CYP2C19: variants seen among roughly 807,000 people sequenced by gnomAD.
The protein encoded by CYP2C19 is cytochrome P450 2C19.
Under a neutral mutation model 40.9 loss-of-function variants are expected in CYP2C19, and 59 were observed. The ratio of observed to expected loss-of-function variants is 1.44; its 90% CI spans 1.17 to 1.79. CYP2C19 has a LOEUF of 1.79. Among genes scored for constraint, CYP2C19 ranks in the 40% most tolerant of loss-of-function variants. The pLI, the probability that CYP2C19 is intolerant of heterozygous loss-of-function variation, is 0.00. For synonymous variants in CYP2C19, 253 were observed against 208.7 expected (o/e 1.21, Z -1.83); for missense variants, 754 against 596.9 (o/e 1.26, Z -2.74).
At position 94,775,434 on chromosome 10, in the gene CYP2C19, T is replaced by A; in HGVS notation, c.376T>A (p.Phe126Ile). The change falls in exon 3 of 9, where the codon TTC (phenylalanine) becomes ATC (isoleucine). Residue 126 changes from phenylalanine to isoleucine, a missense_variant. Phe to Ile is a conservative substitution (Grantham distance 21, BLOSUM62 0). Transcript: ENST00000371321. ...AAAGAGATGGAAGGAGATCCGGCGT[T>A]TCTCCCTCATGACGCTGCGGAATTT... ...NGKRWKEIRR[F>I]SLMTLRNFGM... 2 of 1,614,118 alleles carry A rather than the reference T, an allele frequency of 1.2e-6. No homozygotes were observed. The highest frequency in any genetic ancestry group is 2.2e-5 in the South Asian group (2 of 91,074).
intron 8 of CYP2C19, among the ~76,000 whole-genome samples, chr10:94,851,851 A>G (rs1238776396): frequency 2.0e-5 from 3 of 152,214 alleles, no homozygotes; most frequent in Admixed American, 6.6e-5. Context: ...ATGTTTCAAC[A>G]TATGAAATGG....
intron 6 of CYP2C19, among the ~76,000 whole-genome samples, chr10:94,827,394 A>G (rs1849245716): frequency 6.6e-6 from 1 of 151,334 alleles, no homozygotes. Context: ...GTCTTGGGAG[A>G]GTGTATGTGT....
intron 8 of CYP2C19, among the ~76,000 whole-genome samples, chr10:94,850,822 A>G (rs1379164291): frequency 6.6e-6 from 1 of 152,162 alleles, no homozygotes; most frequent in African/African-American, 2.4e-5. Flanking sequence ...GATCAGGGGG[A>G]CATTAAGAAT....
chr10:94,845,140 C>T (rs1432512879), intron 7 of CYP2C19, among the ~76,000 whole-genome samples: 1 of 152,148 alleles, frequency 6.6e-6, no homozygotes, highest in East Asian at 1.9e-4. Context: ...AGGCTGGATC[C>T]ACTTATCTAG....
chr10:94,775,343 T>C, intron 2 of CYP2C19, 47 bp from the exon 3 acceptor site: 1 of 1,612,672 alleles, frequency 6.2e-7, no homozygotes, highest in Non-Finnish European at 8.5e-7. Flanking sequence ...CAGCTTCCTC[T>C]TTCTTGCCTG....
chr10:94,805,225 G>A (rs1429753692), intron 5 of CYP2C19, among the ~76,000 whole-genome samples: 5 of 151,926 alleles, frequency 3.3e-5, no homozygotes, highest in Non-Finnish European at 5.9e-5. Flanking sequence ...TTATGGTAAG[G>A]GAGTTTTATT....
chr10:94,842,746 T>C, intron 6 of CYP2C19, 91 bp from the exon 7 acceptor site: 1 of 1,354,356 alleles, frequency 7.4e-7, no homozygotes, highest in Non-Finnish European at 1.1e-6. Context: ...GATGTTTGGA[T>C]ACCTTCATCA....
Position 94,852,899 on chromosome 10 carries a change from C to T in CYP2C19, c.1458C>T (p.Cys486=), listed in dbSNP as rs1849676899. ...CTGTCCCGCCCTTCTATCAGCTGTG[C>T]TTCATTCCTGTCTGAAGAAGCACAG... ...FASVPPFYQL[C]FIPV The change falls in exon 9 of 9, where the codon TGC becomes TGT. Residue 486 remains cysteine, a synonymous_variant. Coordinates refer to ENST00000371321, the MANE Select transcript of CYP2C19 (RefSeq NM_000769.4). 2 of 1,613,836 alleles carry T rather than the reference C, an allele frequency of 1.2e-6. No homozygotes were observed. Among genetic ancestry groups the T allele is most frequent in the African/African-American group, 1.3e-5 (1 of 74,898 alleles).
chr10:94,838,589 T>C (rs1849441140), intron 6 of CYP2C19, among the ~76,000 whole-genome samples: 1 of 152,080 alleles, frequency 6.6e-6, no homozygotes, highest in Non-Finnish European at 1.5e-5. Context: ...AATCAGGGAA[T>C]ATTGGCACTC....
At chr10:94,797,473 G>A (rs1457880941) in intron 5 of CYP2C19, among the ~76,000 whole-genome samples, 1 of 151,910 alleles carries the variant, frequency 6.6e-6, no homozygotes, top group Non-Finnish European at 1.5e-5. Flanking sequence ...GTCTCTCCTG[G>A]GCTTTGGTAT....
intron 6 of CYP2C19, among the ~76,000 whole-genome samples, chr10:94,826,661 G>T (rs1172891907): frequency 6.6e-6 from 1 of 152,110 alleles, no homozygotes; most frequent in Non-Finnish European, 1.5e-5. Context: ...TCCTTCTCCT[G>T]CCTAATTGCC....
chr10:94,841,688 T>C lies in CYP2C19; in HGVS notation c.962-1149T>C, dbSNP rs530119470. ...GTAGCCCCTAGGTTTTGGTATGTTA[T>C]GTTTCCATTATCATTTGTTTCAAGA... On this transcript the variant is annotated intron_variant, in intron 6 of 8. Transcript: ENST00000371321. Among the ~76,000 whole-genome samples the C allele has an allele frequency of 2.2e-3, 341 of 152,358 alleles. 2 individuals carry two copies. Among genetic ancestry groups the C allele is most frequent in the African/African-American group, 7.7e-3 (322 of 41,594 alleles).
At chr10:94,769,391 T>A (rs538194325) in intron 1 of CYP2C19, among the ~76,000 whole-genome samples, 3 of 152,302 alleles carry the variant, frequency 2.0e-5, no homozygotes, top group Admixed American at 2.0e-4. Context: ...ACGTGTGGTC[T>A]GAGGGATCCT....
intron 5 of CYP2C19, among the ~76,000 whole-genome samples, chr10:94,793,710 T>G (rs370670133): frequency 2.0e-5 from 3 of 152,188 alleles, no homozygotes; most frequent in Middle Eastern, 3.4e-3. Context: ...TGCCTGATCC[T>G]TCCTCTGGAA....
At chr10:94,789,559 A>G (rs926295779) in intron 5 of CYP2C19, among the ~76,000 whole-genome samples, 1 of 152,094 alleles carries the variant, frequency 6.6e-6, no homozygotes, top group African/African-American at 2.4e-5. Flanking sequence ...AGCTTTCTCC[A>G]TATGGTTAGC....
At position 94,810,367 on chromosome 10, in the gene CYP2C19, CA is replaced by C. The variant is rs200949273; in HGVS notation, c.820-10127del. 2.6e-3 allele frequency among the ~76,000 whole-genome samples: 394 copies of C among 152,156 alleles called. 2 individuals are homozygous for C. The highest frequency in any genetic ancestry group is 6.2e-3 in the Admixed American group (94 of 15,278). ...TTCTTTTTTTTTGTTTTATGTCTGC[CA>C]AGTTTTGGTATCAGGATGATTCTTC... On this transcript the variant is annotated intron_variant, in intron 5 of 8. Transcript: ENST00000371321.
intron 5 of CYP2C19, among the ~76,000 whole-genome samples, chr10:94,799,575 A>G (rs1015904461): frequency 6.6e-6 from 1 of 151,384 alleles, no homozygotes; most frequent in Non-Finnish European, 1.5e-5. Flanking sequence ...GAAGTTCTTC[A>G]CTTCCTGAAG....
At chr10:94,788,876 C>A (rs1180111650) in intron 5 of CYP2C19, among the ~76,000 whole-genome samples, 1 of 152,156 alleles carries the variant, frequency 6.6e-6, no homozygotes, top group African/African-American at 2.4e-5. Context: ...AATGGGATTG[C>A]TGGGTCAAAT....
intron 5 of CYP2C19, among the ~76,000 whole-genome samples, chr10:94,782,658 C>T (rs1280320604): frequency 6.6e-6 from 1 of 152,084 alleles, no homozygotes; most frequent in Non-Finnish European, 1.5e-5. Context: ...GACACATGTA[C>T]ACATTTGTTT....
Sources: allele counts gnomAD v4.1 joint callset (sites outside exome capture counted in the v4.1 genomes callset), GRCh38; gene constraint gnomAD v4.1.1; transcripts MANE v1.5; gene names NCBI Gene and HGNC (gene_info 2026-07-23, HGNC 2026-07-21).